The following MTUS2 variants were observed in gnomAD, a reference collection of about 807,000 sequenced individuals.
MTUS2 encodes microtubule-associated tumor suppressor candidate 2.
In MTUS2, 40 loss-of-function variants were observed where a neutral mutation model predicts 114.1. The ratio of observed to expected loss-of-function variants is 0.35; its 90% CI spans 0.27 to 0.46. The LOEUF is 0.46. Ranked by LOEUF, MTUS2 falls within the 20% of genes least tolerant of loss-of-function variation. The pLI is 1.00. For missense variants in MTUS2, 1,679 were observed against 1,705.4 expected (o/e 0.98, Z 0.27); for synonymous variants, 688 against 672.0 (o/e 1.02, Z -0.37).
At chr13:29,098,605 T>C (rs1002202858) in intron 4 of MTUS2, among the ~76,000 whole-genome samples, 20 of 152,198 alleles carry the variant, frequency 1.3e-4, no homozygotes, top group African/African-American at 4.3e-4. Context: ...CTTGTGCTGC[T>C]TGTCCTCCCC....
chr13:28,923,132 CGAATT>C (rs1169673080), intron 2 of MTUS2, among the ~76,000 whole-genome samples: 3 of 152,134 alleles, frequency 2.0e-5, no homozygotes, highest in Non-Finnish European at 4.4e-5. Context: ...TATCGATCCC[CGAATT>C]AAAACAAATT....
intron 2 of MTUS2, among the ~76,000 whole-genome samples, chr13:28,988,197 G>T (rs1884674285): frequency 1.3e-5 from 2 of 152,210 alleles, no homozygotes; most frequent in Non-Finnish European, 2.9e-5. Context: ...AGGGACAAAA[G>T]TGAGGATGTA....
Position 28,965,417 on chromosome 13 carries a change from G to A in MTUS2, c.-242-59040G>A, listed in dbSNP as rs1432345085. On this transcript the variant is annotated intron_variant, in intron 2 of 15. Transcript: ENST00000612955. ...GTCTACACGGTTTTAGGTGTGCAGT[G>A]ATTCCTTTAATAGGTTGTAACACTG... Among the ~76,000 whole-genome samples the A allele has an allele frequency of 3.3e-5, 5 of 152,280 alleles. No homozygotes were observed. In the East Asian group the frequency reaches 5.8e-4, roughly 18 times the overall value.
chr13:28,890,406 A>G lies in MTUS2; in HGVS notation c.-243+50556A>G, dbSNP rs143356062. Among the ~76,000 whole-genome samples the G allele has an allele frequency of 4.1e-3, 626 of 152,298 alleles. 1 individual carries two copies. The highest frequency in any genetic ancestry group is 0.013 in the African/African-American group (552 of 41,554). ...TCTGGAGCCAGACTACCTGGGTTCA[A>G]ATCCTGGCTCTACATCTTCCTGGTG... On this transcript the variant is annotated intron_variant, in intron 2 of 15. Coordinates refer to ENST00000612955, the MANE Select transcript of MTUS2 (RefSeq NM_001033602.4).
At chr13:29,487,709 A>G (rs1001376428) in intron 10 of MTUS2, 191 bp from the exon 11 acceptor site, 2 of 603,376 alleles carry the variant, frequency 3.3e-6, no homozygotes, top group Non-Finnish European at 6.0e-6. Flanking sequence ...ACAAAGAGCC[A>G]GGTTGTGGCA....
At chr13:29,459,898 C>T (rs1879364607) in intron 9 of MTUS2, among the ~76,000 whole-genome samples, 1 of 152,136 alleles carries the variant, frequency 6.6e-6, no homozygotes, top group Admixed American at 6.6e-5. Context: ...CTGCCTCTTC[C>T]TAAACTGTTC....
At chr13:28,833,488 CAAAA>C (rs1307372096) in intron 1 of MTUS2, among the ~76,000 whole-genome samples, 3 of 151,646 alleles carry the variant, frequency 2.0e-5, no homozygotes, top group African/African-American at 7.3e-5. Flanking sequence ...AACAAACAAA[CAAAA>C]AAACCACTTG....
chr13:29,436,360 C>T (rs1429462972), intron 8 of MTUS2, among the ~76,000 whole-genome samples: 1 of 152,118 alleles, frequency 6.6e-6, no homozygotes, highest in Non-Finnish European at 1.5e-5. Flanking sequence ...GTCCCAGTTT[C>T]CTCCTCCATA....
At chr13:29,182,793 G>A (rs1237514085) in intron 5 of MTUS2, among the ~76,000 whole-genome samples, 1 of 152,226 alleles carries the variant, frequency 6.6e-6, no homozygotes, top group Non-Finnish European at 1.5e-5. Context: ...GTTGAATTAA[G>A]TGAAGGTGTG....
chr13:28,835,192 A>G (rs1442470947), intron 1 of MTUS2, among the ~76,000 whole-genome samples: 1 of 152,220 alleles, frequency 6.6e-6, no homozygotes, highest in Non-Finnish European at 1.5e-5. Context: ...GAAAACTTAC[A>G]TATCCATATA....
chr13:28,958,284 T>C (rs1297367996), intron 2 of MTUS2, among the ~76,000 whole-genome samples: 1 of 152,236 alleles, frequency 6.6e-6, no homozygotes, highest in African/African-American at 2.4e-5. Context: ...CTGTCTGTAC[T>C]TGGCGTGGGC....
At chr13:29,301,781 A>G (rs1419121103) in intron 6 of MTUS2, among the ~76,000 whole-genome samples, 1 of 152,242 alleles carries the variant, frequency 6.6e-6, no homozygotes, top group Non-Finnish European at 1.5e-5. Context: ...TTAATAAAAT[A>G]CCATCAACTG....
intron 8 of MTUS2, among the ~76,000 whole-genome samples, chr13:29,406,241 C>A (rs1441397794): frequency 6.6e-6 from 1 of 152,144 alleles, no homozygotes; most frequent in Non-Finnish European, 1.5e-5. Context: ...CAGCTGAGAA[C>A]AACAAACACT....
chr13:29,403,875 C>T (rs1874545419), intron 8 of MTUS2, among the ~76,000 whole-genome samples: 1 of 151,966 alleles, frequency 6.6e-6, no homozygotes, highest in South Asian at 2.1e-4. Flanking sequence ...TTTCTCCTGC[C>T]TTCCTTACTC....
chr13:29,125,735 CTT>C lies in MTUS2; in HGVS notation c.2644+24767_2644+24768del, dbSNP rs900371770. Among the ~76,000 whole-genome samples the C allele has an allele frequency of 1.2e-4, 18 of 152,120 alleles. 1 individual carries two copies. The highest frequency in any genetic ancestry group is 6.5e-5 in the Admixed American group (1 of 15,276). ...AAATGAAGTTGTTAAAAGGCAAACT[CTT>C]TATTTCATGATGATTTTTTAAACCC... On this transcript the variant is annotated intron_variant, in intron 5 of 15. Coordinates refer to ENST00000612955, the MANE Select transcript of MTUS2 (RefSeq NM_001033602.4).
intron 6 of MTUS2, among the ~76,000 whole-genome samples, chr13:29,305,016 A>G (rs1359754393): frequency 1.3e-5 from 2 of 152,214 alleles, no homozygotes; most frequent in Non-Finnish European, 2.9e-5. Context: ...TGGAAATGGA[A>G]CAACCTGCTT....
intron 5 of MTUS2, among the ~76,000 whole-genome samples, chr13:29,238,794 A>G (rs916008358): frequency 2.0e-5 from 3 of 152,212 alleles, no homozygotes; most frequent in South Asian, 2.1e-4. Flanking sequence ...GACACTCAGT[A>G]TTAACCATCA....
At chr13:29,092,543 T>C (rs533257860) in intron 4 of MTUS2, among the ~76,000 whole-genome samples, 2 of 152,308 alleles carry the variant, frequency 1.3e-5, no homozygotes, top group African/African-American at 4.8e-5. Context: ...CTTATTCATC[T>C]TGGATGTGGG....
At chr13:28,909,155 A>T (rs1470948088) in intron 2 of MTUS2, among the ~76,000 whole-genome samples, 4 of 151,456 alleles carry the variant, frequency 2.6e-5, no homozygotes, top group Non-Finnish European at 5.9e-5. Context: ...TTGGCTTAGG[A>T]TTGACTTGGC....
Sources: allele counts gnomAD v4.1 joint callset (sites outside exome capture counted in the v4.1 genomes callset), GRCh38; gene constraint gnomAD v4.1.1; transcripts MANE v1.5; gene names NCBI Gene and HGNC (gene_info 2026-07-23, HGNC 2026-07-21).